SLC9A2: variants seen among roughly 807,000 people sequenced by gnomAD.
SLC9A2 encodes the protein sodium/hydrogen exchanger 2.
SLC9A2 carries 42 observed loss-of-function variants against 71.7 expected under a neutral mutation model. The ratio of observed to expected loss-of-function variants is 0.59; its 90% CI spans 0.46 to 0.76. SLC9A2 has a LOEUF of 0.76. Among genes scored for constraint, SLC9A2 ranks in the 30% least tolerant of loss-of-function variants. The pLI is 0.00. For synonymous variants in SLC9A2, 396 were observed against 392.5 expected (o/e 1.01, Z -0.10); for missense variants, 829 against 1,017.4 (o/e 0.81, Z 2.52).
At chr2:102,667,898 C>T (rs766746808) in intron 3 of SLC9A2, among the ~76,000 whole-genome samples, 5 of 151,650 alleles carry the variant, frequency 3.3e-5, no homozygotes, top group East Asian at 1.9e-4. Context: ...GGTGAAACCC[C>T]GTCTCTACTA....
At chr2:102,676,339 C>T (rs1001474293) in intron 3 of SLC9A2, among the ~76,000 whole-genome samples, 2 of 152,212 alleles carry the variant, frequency 1.3e-5, no homozygotes, top group African/African-American at 4.8e-5. Context: ...GATGCCTGTG[C>T]TTCATGATGC....
chr2:102,654,497 T>C (rs556841895), intron 1 of SLC9A2, among the ~76,000 whole-genome samples: 2 of 152,202 alleles, frequency 1.3e-5, no homozygotes, highest in Non-Finnish European at 2.9e-5. Flanking sequence ...CTTTATTATT[T>C]AACAGTTCTT....
intron 1 of SLC9A2, among the ~76,000 whole-genome samples, chr2:102,626,618 C>A (rs1676254106): frequency 6.6e-6 from 1 of 152,134 alleles, no homozygotes; most frequent in Admixed American, 6.5e-5. Flanking sequence ...AATGAACTAC[C>A]ATCAGAGTGA....
chr2:102,665,460 A>G, intron 3 of SLC9A2, 110 bp downstream of exon 3: 1 of 1,218,216 alleles, frequency 8.2e-7, no homozygotes, highest in Non-Finnish European at 1.2e-6. Context: ...AGGTTTTCTT[A>G]TTCTTTTAAG....
At chr2:102,621,888 C>T (rs1011878967) in intron 1 of SLC9A2, among the ~76,000 whole-genome samples, 1 of 152,096 alleles carries the variant, frequency 6.6e-6, no homozygotes, top group East Asian at 1.9e-4. Flanking sequence ...CCAGAGAGGA[C>T]TGAACAAAGA....
chr2:102,657,008 C>A (rs1356422145), intron 1 of SLC9A2, among the ~76,000 whole-genome samples: 10 of 152,186 alleles, frequency 6.6e-5, no homozygotes, highest in African/African-American at 2.4e-4. Context: ...AGTTCGAGAC[C>A]AGCCTGGCCA....
At position 102,708,037 on chromosome 2, in the gene SLC9A2, C is replaced by T. The variant is rs1678015573; in HGVS notation, c.2069-82C>T. The T allele has an allele frequency of 2.1e-6, 3 of 1,451,706 alleles. No homozygotes were observed. The South Asian group carries it at 4.0e-5, about 19-fold the overall frequency. The allele number at this position is 1,451,706 out of a possible 1,614,324, so 89.9% of individuals were successfully genotyped here. ...CCAGAGCCCCAGGACGTATCAGTTG[C>T]CTGACTCACTAAGGTACTGAAGTTA... is the stretch of plus-strand genomic sequence containing the variant. On this transcript the variant is annotated intron_variant, in intron 11 of 11. Coordinates refer to ENST00000233969, the MANE Select transcript of SLC9A2 (RefSeq NM_003048.6).
At chr2:102,661,445 C>T (rs955621187) in intron 2 of SLC9A2, among the ~76,000 whole-genome samples, 1 of 152,224 alleles carries the variant, frequency 6.6e-6, no homozygotes, top group South Asian at 2.1e-4. Context: ...ATTTTGCAAA[C>T]AGCAGAATAG....
At chr2:102,644,749 A>G (rs1291158021) in intron 1 of SLC9A2, among the ~76,000 whole-genome samples, 1 of 152,110 alleles carries the variant, frequency 6.6e-6, no homozygotes, top group African/African-American at 2.4e-5. Context: ...GCCTTTCTAG[A>G]TTCCTCCTCA....
At chr2:102,701,312 A>T in intron 8 of SLC9A2, 81 bp downstream of exon 8, 13 of 1,086,646 alleles carry the variant, frequency 1.2e-5, no homozygotes, top group African/African-American at 1.6e-5. Flanking sequence ...AATAATTTTA[A>T]AAAAATTATT....
In SLC9A2 at chr2:102,663,924, A is replaced by G. The variant is rs1573414698; in HGVS notation, c.754-1176A>G. ...GACACAAGTTGAAAGCATATTGTCC[A>G]CCAGACATGAAGTGCCCGACATTCT... On this transcript the variant is annotated intron_variant, in intron 2 of 11. Transcript: ENST00000233969. Among the ~76,000 whole-genome samples, 3 of 152,194 alleles carry G rather than the reference A, an allele frequency of 2.0e-5. No individual in the cohort carries two copies. In the South Asian group the frequency reaches 6.2e-4, roughly 32 times the overall value.
chr2:102,680,824 C>T (rs540220004), intron 3 of SLC9A2, among the ~76,000 whole-genome samples: 26 of 151,796 alleles, frequency 1.7e-4, no homozygotes, highest in Non-Finnish European at 3.4e-4. Context: ...TCATAAGAGC[C>T]CTTATGAGAG....
intron 3 of SLC9A2, among the ~76,000 whole-genome samples, chr2:102,680,487 T>C (rs746369073): frequency 6.6e-6 from 1 of 152,104 alleles, no homozygotes; most frequent in Non-Finnish European, 1.5e-5. Flanking sequence ...CCAGTTCCTA[T>C]TGCCTGCTGG....
intron 7 of SLC9A2, among the ~76,000 whole-genome samples, chr2:102,695,777 ATTATATATATATTATATATATAT>A (rs1677745725): frequency 7.6e-5 from 2 of 26,358 alleles, no homozygotes; most frequent in Non-Finnish European, 1.7e-4. Context: ...TATAATATAT[ATTATATATATATTATATATATAT>A]TATATATATA....
chr2:102,657,570 A>G lies in SLC9A2; in HGVS notation c.296A>G (p.His99Arg), dbSNP rs962097484. 5.6e-6 allele frequency: 9 copies of G among 1,597,876 alleles called. No homozygotes were observed. Among genetic ancestry groups the G allele is most frequent in the Non-Finnish European group, 6.8e-6 (8 of 1,171,650 alleles). The part of the protein sequence containing the change: ...LLASLAKIGF[H>R]LYHKLPTIVP... ...TTTATTTTTTCCTTACCAGGCTTCC[A>G]TCTGTATCACAAGTTGCCCACAATA... The change falls in exon 2 of 12, where the codon CAT becomes CGT. Residue 99 changes from histidine to arginine, a missense_variant. Transcript: ENST00000233969.
chr2:102,632,179 TAC>T (rs551671108), intron 1 of SLC9A2, among the ~76,000 whole-genome samples: 1,537 of 135,844 alleles, frequency 0.011, 38 homozygotes, highest in African/African-American at 0.043. Flanking sequence ...TATATATACA[TAC>T]ATATATATAT....
At chr2:102,674,432 C>A (rs1187828762) in intron 3 of SLC9A2, among the ~76,000 whole-genome samples, 1 of 152,154 alleles carries the variant, frequency 6.6e-6, no homozygotes, top group Non-Finnish European at 1.5e-5. Context: ...CTGCCTGCAG[C>A]TCCTCTTGAT....
At chr2:102,685,008 A>C (rs746579733) in intron 5 of SLC9A2, among the ~76,000 whole-genome samples, 8 of 152,330 alleles carry the variant, frequency 5.3e-5, no homozygotes, top group Non-Finnish European at 1.0e-4. Context: ...ATCATAGAGC[A>C]TGTTAGAAGG....
rs750262697 is a variant in SLC9A2, at chr2:102,708,409, C to T, written c.2359C>T (p.Pro787Ser). The change falls in exon 12 of 12, where the codon CCC (proline) becomes TCC (serine). Residue 787 changes from proline to serine, a missense_variant. By Grantham distance (74) the Pro-to-Ser change is moderately conservative. Around this residue, in one of 3 missense-constraint regions of SLC9A2, gnomAD observed 223 missense variants for 197.5 expected, o/e 1.13. Coordinates refer to ENST00000233969, the MANE Select transcript of SLC9A2 (RefSeq NM_003048.6). Reference sequence around the variant, plus strand: ...AGACAGTTTGACTGAAGGCATCCCGCCCAAGCCGCCACCACGGCTGGTCTG... The same window carrying T: ...AGACAGTTTGACTGAAGGCATCCCGTCCAAGCCGCCACCACGGCTGGTCTG... ...REDSLTEGIP[P>S]KPPPRLVWRA... 6.2e-6 allele frequency: 10 copies of T among 1,614,106 alleles called. No homozygotes were observed. Among genetic ancestry groups the T allele is most frequent in the Admixed American group, 5.0e-5 (3 of 60,014 alleles).
Sources: allele counts gnomAD v4.1 joint callset (sites outside exome capture counted in the v4.1 genomes callset), GRCh38; gene constraint gnomAD v4.1.1; regional missense constraint gnomAD v4.1.1; transcripts MANE v1.5; gene names NCBI Gene and HGNC (gene_info 2026-07-23, HGNC 2026-07-21).